The following PDE7B variants were observed in gnomAD, a reference collection of about 807,000 sequenced individuals.
PDE7B encodes the protein phosphodiesterase 7B.
PDE7B carries 29 observed loss-of-function variants against 56.2 expected under a neutral mutation model. The ratio of observed to expected loss-of-function variants is 0.52; its 90% CI spans 0.38 to 0.70. PDE7B has a LOEUF of 0.70. Ranked by LOEUF, PDE7B falls within the 30% of genes least tolerant of loss-of-function variation. The pLI, the probability that PDE7B is intolerant of heterozygous loss-of-function variation, is 0.00. For synonymous variants in PDE7B, 197 were observed against 196.9 expected, an observed-to-expected ratio of 1.00 and a Z score of 0.00; for missense variants, 490 against 565.0, an observed-to-expected ratio of 0.87 and a Z score of 1.35.
At chr6:136,012,215 A>G (rs1336426676) in intron 2 of PDE7B, among the ~76,000 whole-genome samples, 1 of 151,998 alleles carries the variant, frequency 6.6e-6, no homozygotes, top group African/African-American at 2.4e-5. Flanking sequence ...GGAACCACTC[A>G]CAGCAAAATT....
chr6:135,939,191 AAGGGTCACCTC>A (rs1435007694), intron 1 of PDE7B, among the ~76,000 whole-genome samples: 48 of 152,324 alleles, frequency 3.2e-4, no homozygotes, highest in African/African-American at 1.0e-3. Flanking sequence ...GCTCTTCTGG[AAGGGTCACCTC>A]AGGTTACGTA....
intron 7 of PDE7B, among the ~76,000 whole-genome samples, chr6:136,155,079 T>C (rs564750357): frequency 6.6e-6 from 1 of 152,344 alleles, no homozygotes; most frequent in South Asian, 2.1e-4. Flanking sequence ...TGTCTCTGCT[T>C]ATTTTCCTAG....
intron 2 of PDE7B, among the ~76,000 whole-genome samples, chr6:135,965,607 GC>G (rs1774983345): frequency 2.0e-5 from 3 of 152,142 alleles, no homozygotes. Context: ...GAGAACTTGT[GC>G]AGGGAAACTC....
chr6:136,048,459 G>A (rs1309857746), intron 2 of PDE7B, among the ~76,000 whole-genome samples: 1 of 152,148 alleles, frequency 6.6e-6, no homozygotes, highest in Non-Finnish European at 1.5e-5. Flanking sequence ...GGTAGAGGTT[G>A]CAGTGAGCCG....
chr6:136,001,315 A>C (rs1775664733), intron 2 of PDE7B, among the ~76,000 whole-genome samples: 1 of 152,244 alleles, frequency 6.6e-6, no homozygotes, highest in South Asian at 2.1e-4. Context: ...AAAGGAACGC[A>C]GTTCCTCACC....
At chr6:135,917,414 T>G (rs922450685) in intron 1 of PDE7B, among the ~76,000 whole-genome samples, 16 of 152,170 alleles carry the variant, frequency 1.1e-4, no homozygotes, top group African/African-American at 3.6e-4. Flanking sequence ...CGTAGGATAT[T>G]ATATTTTTTA....
At chr6:135,902,672 T>C (rs1358840163) in intron 1 of PDE7B, among the ~76,000 whole-genome samples, 1 of 152,170 alleles carries the variant, frequency 6.6e-6, no homozygotes, top group East Asian at 1.9e-4. Context: ...CTGCAATTGA[T>C]CTTGTATATC....
chr6:136,142,997 T>A (rs1048644512), intron 3 of PDE7B, among the ~76,000 whole-genome samples: 21 of 152,192 alleles, frequency 1.4e-4, no homozygotes, highest in African/African-American at 5.1e-4. Context: ...GTCATTATGA[T>A]GTTAGCTGGT....
At chr6:136,056,045 G>A (rs1482730344) in intron 2 of PDE7B, among the ~76,000 whole-genome samples, 3 of 152,212 alleles carry the variant, frequency 2.0e-5, no homozygotes, top group Non-Finnish European at 2.9e-5. Flanking sequence ...GAAGACGGGA[G>A]CTAGATAATG....
intron 8 of PDE7B, among the ~76,000 whole-genome samples, chr6:136,156,939 TTAAC>T (rs138552795): frequency 3.8e-3 from 572 of 152,292 alleles, no homozygotes; most frequent in Middle Eastern, 0.014. Context: ...AACAAACTGT[TTAAC>T]TAACCTTTAT....
At chr6:136,010,097 C>T (rs1775865546) in intron 2 of PDE7B, among the ~76,000 whole-genome samples, 1 of 152,092 alleles carries the variant, frequency 6.6e-6, no homozygotes, top group African/African-American at 2.4e-5. Flanking sequence ...TATGAATTTC[C>T]CTCTGAAACA....
chr6:135,943,652 A>G (rs1774544607), intron 1 of PDE7B, among the ~76,000 whole-genome samples: 1 of 152,232 alleles, frequency 6.6e-6, no homozygotes, highest in South Asian at 2.1e-4. Flanking sequence ...AAGTAGAGGC[A>G]CAGCACTTAG....
At chr6:135,997,028 C>T (rs759116945) in intron 2 of PDE7B, among the ~76,000 whole-genome samples, 5 of 152,030 alleles carry the variant, frequency 3.3e-5, no homozygotes, top group East Asian at 3.9e-4. Context: ...AGCCCAGTCC[C>T]GATGGAAGCT....
chr6:136,054,577 T>C (rs541934414), intron 2 of PDE7B, among the ~76,000 whole-genome samples: 2 of 152,208 alleles, frequency 1.3e-5, no homozygotes, highest in Non-Finnish European at 2.9e-5. Context: ...AGTAGTTTTT[T>C]CCAATTCTGT....
chr6:136,136,966 T>G (rs1384566837), intron 3 of PDE7B, among the ~76,000 whole-genome samples: 2 of 152,056 alleles, frequency 1.3e-5, no homozygotes, highest in Non-Finnish European at 2.9e-5. Flanking sequence ...ATCAACAAAT[T>G]TTTTACTGTT....
At chr6:136,180,876 G>T (rs1779051851) in intron 10 of PDE7B, among the ~76,000 whole-genome samples, 1 of 152,164 alleles carries the variant, frequency 6.6e-6, no homozygotes, top group Non-Finnish European at 1.5e-5. Flanking sequence ...GACCTCACTT[G>T]AGCCTGGCCA....
chr6:136,179,176 A>G, intron 10 of PDE7B, 35 bp downstream of exon 10: 1 of 1,606,044 alleles, frequency 6.2e-7, no homozygotes, highest in South Asian at 1.1e-5. Context: ...CTTTTTGCTG[A>G]GTGAAAACAC....
chr6:135,997,672 A>G (rs1264193646), intron 2 of PDE7B, among the ~76,000 whole-genome samples: 1 of 152,102 alleles, frequency 6.6e-6, no homozygotes, highest in East Asian at 1.9e-4. Flanking sequence ...TCATAGAAGC[A>G]TATGTTGAAA....
At chr6:136,156,162 A>AGTGT (rs10625572) in intron 8 of PDE7B, 10,778 of 251,760 alleles carry the variant, frequency 0.043, 512 homozygotes, top group African/African-American at 0.16. Flanking sequence ...GAATGATCCA[A>AGTGT]GTGTGTGTGT....
Sources: allele counts gnomAD v4.1 joint callset (sites outside exome capture counted in the v4.1 genomes callset), GRCh38; gene constraint gnomAD v4.1.1; transcripts MANE v1.5; gene names NCBI Gene and HGNC (gene_info 2026-07-23, HGNC 2026-07-21).